DDX4: variants seen among roughly 807,000 people sequenced by gnomAD.
The protein encoded by DDX4 is probable ATP-dependent RNA helicase DDX4.
In DDX4, 25 loss-of-function variants were observed where a neutral mutation model predicts 100.0. That is an observed-to-expected ratio of 0.25 (90% CI 0.18 to 0.35). DDX4 has a LOEUF of 0.35. Among genes scored for constraint, DDX4 ranks in the 10% least tolerant of loss-of-function variants. The pLI is 1.00. For synonymous variants in DDX4, 259 were observed against 275.7 expected (o/e 0.94, Z 0.60); for missense variants, 635 against 882.4 (o/e 0.72, Z 3.55).
intron 15 of DDX4, among the ~76,000 whole-genome samples, chr5:55,788,491 CAG>C (rs934924726): frequency 4.6e-5 from 7 of 152,080 alleles, no homozygotes; most frequent in African/African-American, 1.7e-4. Flanking sequence ...ATTTAAAAAA[CAG>C]ATAATACTAG....
At position 55,746,201 on chromosome 5, in the gene DDX4, G is replaced by A; in HGVS notation, c.107G>A (p.Arg36Lys). 6.2e-7 allele frequency: 1 copy of A among 1,612,292 alleles called. No individual in the cohort carries two copies. Among genetic ancestry groups the A allele is most frequent in the South Asian group, 1.1e-5 (1 of 90,458 alleles). The change falls in exon 3 of 22, where the codon AGG (arginine) becomes AAG (lysine). Residue 36 changes from arginine (R) to lysine (K), a missense_variant. Coordinates refer to ENST00000505374, the MANE Select transcript of DDX4 (RefSeq NM_024415.3). ...YSGENGDNFN[R>K]TPASSSEMDD... Reference sequence around the variant, plus strand: ...GGAGAAAATGGAGACAATTTTAACAGGACTCCAGCTTCATCATCAGGTATG... The same window carrying A: ...GGAGAAAATGGAGACAATTTTAACAAGACTCCAGCTTCATCATCAGGTATG...
At chr5:55,796,819 C>CTTTTTTTTT (rs1742976174) in intron 17 of DDX4, among the ~76,000 whole-genome samples, 1 of 63,454 alleles carries the variant, frequency 1.6e-5, no homozygotes, top group Non-Finnish European at 3.6e-5. Flanking sequence ...TTTTTTCTTT[C>CTTTTTTTTT]TTTCTTTTTT....
chr5:55,751,762 A>G lies in DDX4; in HGVS notation c.127+5541A>G, dbSNP rs527795908. ...ATTCTGTTGTCTGTCAGCTTTGTTC[A>G]TGGTATGCCTTATTAATCAAAAATT... On this transcript the variant is annotated intron_variant, in intron 3 of 21. Coordinates refer to ENST00000505374, the MANE Select transcript of DDX4 (RefSeq NM_024415.3). 2.1e-3 allele frequency among the ~76,000 whole-genome samples: 326 copies of G among 152,292 alleles called. 1 individual carries two copies. The highest frequency in any genetic ancestry group is 7.5e-3 in the African/African-American group (311 of 41,548).
chr5:55,785,857 C>A lies in DDX4; in HGVS notation c.850C>A (p.Pro284Thr), dbSNP rs1192592065. 6.2e-7 allele frequency: 1 copy of A among 1,609,274 alleles called. No individual in the cohort carries two copies. Among genetic ancestry groups the A allele is most frequent in the Admixed American group, 1.7e-5 (1 of 59,970 alleles). Residue 284 changes from proline to threonine, a missense_variant, in exon 13 of 22, where the codon CCA becomes ACA. By Grantham distance (38) the Pro-to-Thr change is conservative (BLOSUM62 -1). Coordinates refer to ENST00000505374, the MANE Select transcript of DDX4 (RefSeq NM_024415.3). ...TGTGGAAGTGTCTGGACATGATGCA[C>A]CACCAGCAATTCTGGTCAGTGTATT... ...ILVEVSGHDA[P>T]PAILTFEEAN...
At chr5:55,753,415 T>G (rs1759702086) in intron 3 of DDX4, among the ~76,000 whole-genome samples, 1 of 152,116 alleles carries the variant, frequency 6.6e-6, no homozygotes, top group Non-Finnish European at 1.5e-5. Context: ...CCAGCACCAT[T>G]TATTAAATAG....
chr5:55,746,286 G>T (rs1759245571), intron 3 of DDX4, 65 bp downstream of exon 3: 1 of 1,408,894 alleles, frequency 7.1e-7, no homozygotes. Context: ...TGAATGAAGA[G>T]CAGCAGACTA....
At chr5:55,749,652 CCACT>C (rs1233362439) in intron 3 of DDX4, among the ~76,000 whole-genome samples, 2 of 152,058 alleles carry the variant, frequency 1.3e-5, no homozygotes, top group Admixed American at 1.3e-4. Context: ...TTCCTTCCTC[CCACT>C]CTGTCCTCAC....
At chr5:55,744,000 A>G (rs1463395940) in intron 2 of DDX4, among the ~76,000 whole-genome samples, 2 of 151,256 alleles carry the variant, frequency 1.3e-5, no homozygotes, top group Admixed American at 1.3e-4. Context: ...AATAGAAAAT[A>G]TTGGATAATT....
At chr5:55,809,779 G>A (rs1017001186) in intron 18 of DDX4, among the ~76,000 whole-genome samples, 2 of 152,172 alleles carry the variant, frequency 1.3e-5, no homozygotes, top group South Asian at 4.1e-4. Flanking sequence ...TACATCCCTA[G>A]TGAAGAACCA....
chr5:55,748,620 T>TTGTA (rs1759373405), intron 3 of DDX4, among the ~76,000 whole-genome samples: 1 of 152,140 alleles, frequency 6.6e-6, no homozygotes, highest in East Asian at 1.9e-4. Flanking sequence ...CAAGTACTTT[T>TTGTA]TGTAGTTCTT....
intron 10 of DDX4, among the ~76,000 whole-genome samples, chr5:55,783,988 CT>C (rs1742090142): frequency 6.6e-6 from 1 of 152,146 alleles, no homozygotes. Flanking sequence ...ATCCCTTCCC[CT>C]GTCCCCCACC....
chr5:55,739,120 CTG>C lies in DDX4; in HGVS notation c.69+92_69+93del, dbSNP rs921411599. The C allele has an allele frequency of 6.9e-5, 55 of 798,754 alleles. No homozygotes were observed. In the African/African-American group the frequency reaches 9.1e-4, roughly 13 times the overall value. 49.5% of individuals were successfully genotyped at this position (798,754 alleles called of 1,614,324 possible). A position where few individuals can be genotyped will look rare whatever the true frequency, so the allele number is the denominator to read the frequency against. On this transcript the variant is annotated intron_variant, in intron 2 of 21. Transcript: ENST00000505374. ...TGGTGAGAGTTCTAAATTATACAGTCTGTGTCAGTGTTTATCTCCATGTGATT... is the reference window on the plus strand; with the variant it reads ...TGGTGAGAGTTCTAAATTATACAGTCTGTCAGTGTTTATCTCCATGTGATT...
At chr5:55,738,817 G>GA in intron 1 of DDX4, 133 bp from the exon 2 acceptor site, 1 of 658,412 alleles carries the variant, frequency 1.5e-6, no homozygotes. Context: ...TCCTTCTTTG[G>GA]AAAAAACTTT....
At chr5:55,769,992 C>G (rs1298393961) in intron 7 of DDX4, among the ~76,000 whole-genome samples, 4 of 151,938 alleles carry the variant, frequency 2.6e-5, no homozygotes, top group East Asian at 3.9e-4. Context: ...TTTACCCTCT[C>G]TAGTAGCTGG....
At chr5:55,804,914 A>C (rs1232011213) in intron 18 of DDX4, among the ~76,000 whole-genome samples, 3 of 151,852 alleles carry the variant, frequency 2.0e-5, no homozygotes, top group Non-Finnish European at 4.4e-5. Flanking sequence ...TACCTTGGGC[A>C]GTATGGCCAT....
At chr5:55,764,797 G>A (rs13183395) in intron 6 of DDX4, among the ~76,000 whole-genome samples, 17,281 of 152,192 alleles carry the variant, frequency 0.11, 1,473 homozygotes, top group East Asian at 0.29. Context: ...CCATAGAATG[G>A]AAGGTATTCA....
chr5:55,792,793 A>C lies in DDX4; in HGVS notation c.1455A>C (p.Pro485=), dbSNP rs1415099632. 2.1e-6 allele frequency: 3 copies of C among 1,425,150 alleles called. No individual in the cohort carries two copies. Among genetic ancestry groups the C allele is most frequent in the Non-Finnish European group, 2.8e-6 (3 of 1,085,658 alleles). 88.3% of individuals were successfully genotyped at this position (1,425,150 alleles called of 1,614,324 possible). A position where few individuals can be genotyped will look rare whatever the true frequency, so the allele number is the denominator to read the frequency against. The change falls in exon 17 of 22, where the codon CCA becomes CCC. Residue 485 remains proline, a synonymous_variant. Transcript: ENST00000505374. ...RQTLMFSATF[P]EEIQRLAAEF... is the part of the protein sequence containing the mutation. ...CCCTTATGTTCAGTGCAACTTTTCC[A>C]GAGGAAATTCAAAGGTTAAGTTTTT... is the stretch of plus-strand genomic sequence containing the variant.
chr5:55,814,202 G>C (rs1462904717), intron 19 of DDX4, among the ~76,000 whole-genome samples: 1 of 152,146 alleles, frequency 6.6e-6, no homozygotes, highest in African/African-American at 2.4e-5. Context: ...ATATCACGTA[G>C]TATATAGTGT....
intron 18 of DDX4, among the ~76,000 whole-genome samples, chr5:55,801,312 C>T (rs1444181595): frequency 1.3e-5 from 2 of 148,288 alleles, no homozygotes; most frequent in East Asian, 4.0e-4. Flanking sequence ...CAAGACAATT[C>T]TCCTAATGTG....
Sources: gnomAD v4.1 joint callset for allele counts (sites outside exome capture counted in the v4.1 genomes callset) on GRCh38, gnomAD v4.1.1 for gene constraint, MANE v1.5 for transcripts, NCBI Gene and HGNC (gene_info 2026-07-23, HGNC 2026-07-21) for gene names.